BICRAL: variants seen among roughly 807,000 people sequenced by gnomAD.
The protein encoded by BICRAL is BICRA like chromatin remodeling complex associated protein.
In BICRAL, 8 loss-of-function variants were observed where a neutral mutation model predicts 91.8. That is an observed-to-expected ratio of 0.09 (90% confidence interval 0.05 to 0.16). BICRAL has a LOEUF of 0.16. Ranked by LOEUF, BICRAL falls within the 10% of genes least tolerant of loss-of-function variation. BICRAL has a pLI of 1.00. For synonymous variants in BICRAL, 445 were observed against 491.1 expected, an observed-to-expected ratio of 0.91 and a Z score of 1.24; for missense variants, 1,038 against 1,310.9, an observed-to-expected ratio of 0.79 and a Z score of 3.21.
At chr6:42,787,073 G>T (rs377661601) in intron 1 of BICRAL, among the ~76,000 whole-genome samples, 2 of 152,284 alleles carry the variant, frequency 1.3e-5, no homozygotes, top group East Asian at 3.9e-4. Context: ...GCCCAAGATC[G>T]ATAGTATCTC....
At position 42,827,666 on chromosome 6, in the gene BICRAL, G is replaced by A. The variant is rs139205491; in HGVS notation, c.160-827G>A. On this transcript the variant is annotated intron_variant, in intron 5 of 12. Transcript: ENST00000314073. ...AGGCCAAAGCAGGAGGATTACTTGC[G>A]TGCAGGAGTTCAAGACCAGCCTGGG... Among the ~76,000 whole-genome samples the A allele has an allele frequency of 7.0e-3, 1,060 of 152,270 alleles. 5 individuals carry two copies. The highest frequency in any genetic ancestry group is 0.022 in the African/African-American group (930 of 41,560).
chr6:42,859,508 T>C (rs1765487210), intron 10 of BICRAL, among the ~76,000 whole-genome samples: 1 of 152,196 alleles, frequency 6.6e-6, no homozygotes, highest in African/African-American at 2.4e-5. Flanking sequence ...GACAGTTTAA[T>C]GTAAAGCTGT....
chr6:42,828,589 G>A lies in BICRAL; in HGVS notation c.256G>A (p.Glu86Lys), dbSNP rs775862205. Reference sequence around the variant, plus strand: ...ACTTTCAAGTAGCCTCCAGTTTCTTGAAGATGAACTCGAGTCTTCTCCTCT... The same window carrying A: ...ACTTTCAAGTAGCCTCCAGTTTCTTAAAGATGAACTCGAGTCTTCTCCTCT... ...LPLSSSLQFL[E>K]DELESSPLPD... is the part of the protein sequence containing the mutation. The change falls in exon 6 of 13, where the codon GAA becomes AAA. Residue 86 changes from glutamate (E) to lysine (K), a missense_variant. Coordinates refer to ENST00000314073, the MANE Select transcript of BICRAL (RefSeq NM_001393499.1). 6 of 1,614,016 alleles carry A rather than the reference G, an allele frequency of 3.7e-6. No individual in the cohort carries two copies. Among genetic ancestry groups the A allele is most frequent in the African/African-American group, 1.3e-5 (1 of 74,912 alleles).
At chr6:42,853,064 CAAAA>C (rs35328845) in intron 7 of BICRAL, among the ~76,000 whole-genome samples, 4 of 97,690 alleles carry the variant, frequency 4.1e-5, no homozygotes, top group Non-Finnish European at 4.1e-5. Context: ...GACCTTGTCT[CAAAA>C]AAAAAAAAAA....
chr6:42,809,828 C>G (rs1361544840), intron 1 of BICRAL, among the ~76,000 whole-genome samples: 7 of 151,792 alleles, frequency 4.6e-5, no homozygotes, highest in African/African-American at 1.5e-4. Context: ...CCTCTGTCAC[C>G]CAGGCTGGAG....
At chr6:42,759,541 T>C (rs535311189) in intron 1 of BICRAL, among the ~76,000 whole-genome samples, 1 of 152,302 alleles carries the variant, frequency 6.6e-6, no homozygotes, top group African/African-American at 2.4e-5. Context: ...AGTGATTAAC[T>C]GGAAGCAAGA....
chr6:42,795,432 C>T (rs904525906), intron 1 of BICRAL, among the ~76,000 whole-genome samples: 2 of 152,118 alleles, frequency 1.3e-5, no homozygotes, highest in Non-Finnish European at 2.9e-5. Flanking sequence ...GACTCTGTCT[C>T]AAATAAATAA....
At chr6:42,784,389 A>T (rs989317836) in intron 1 of BICRAL, among the ~76,000 whole-genome samples, 2 of 152,240 alleles carry the variant, frequency 1.3e-5, no homozygotes, top group African/African-American at 4.8e-5. Context: ...GTCCACATAC[A>T]TGGAAAGTAA....
chr6:42,860,853 A>G (rs1765534403), intron 11 of BICRAL, among the ~76,000 whole-genome samples: 1 of 152,216 alleles, frequency 6.6e-6, no homozygotes, highest in Admixed American at 6.5e-5. Context: ...GAGGCCAGGC[A>G]TGGTGGCTTA....
chr6:42,792,410 TGCATG>T (rs912813650), intron 1 of BICRAL, among the ~76,000 whole-genome samples: 68 of 151,140 alleles, frequency 4.5e-4, no homozygotes, highest in African/African-American at 1.5e-3. Context: ...TGGGATTACA[TGCATG>T]TACCACCATG....
chr6:42,865,010 C>T lies in BICRAL; in HGVS notation c.2804C>T (p.Pro935Leu), dbSNP rs1765667627. 6.2e-7 allele frequency: 1 copy of T among 1,613,908 alleles called. No individual in the cohort carries two copies. Among genetic ancestry groups the T allele is most frequent in the Admixed American group, 1.7e-5 (1 of 60,000 alleles). ...REPLKASQCS[P>L]GPEGHRKTSS... Reference sequence around the variant, plus strand: ...CCTCTGAAGGCCAGTCAGTGCTCTCCCGGCCCTGAGGGGCACCGGAAAACC... The same window carrying T: ...CCTCTGAAGGCCAGTCAGTGCTCTCTCGGCCCTGAGGGGCACCGGAAAACC... Residue 935 changes from proline (P) to leucine (L), a missense_variant, in exon 13 of 13, where the codon CCC becomes CTC. By Grantham distance (98) the Pro-to-Leu change is moderately conservative (BLOSUM62 -3). Around this residue, in one of 5 missense-constraint regions of BICRAL, gnomAD observed 294 missense variants for 292.6 expected, o/e 1.00. Coordinates refer to ENST00000314073, the MANE Select transcript of BICRAL (RefSeq NM_001393499.1).
chr6:42,775,156 C>A (rs1276862610), intron 1 of BICRAL, among the ~76,000 whole-genome samples: 1 of 152,142 alleles, frequency 6.6e-6, no homozygotes, highest in Non-Finnish European at 1.5e-5. Context: ...TGGTCTTGAA[C>A]AATCCTGACC....
chr6:42,841,088 A>G (rs1179094543), intron 6 of BICRAL, among the ~76,000 whole-genome samples: 3 of 139,438 alleles, frequency 2.2e-5, no homozygotes, highest in African/African-American at 8.5e-5. Flanking sequence ...AAAAAAAAAA[A>G]AAAAAAAAAA....
At chr6:42,766,179 G>C (rs1022444621) in intron 1 of BICRAL, among the ~76,000 whole-genome samples, 1 of 152,096 alleles carries the variant, frequency 6.6e-6, no homozygotes, top group African/African-American at 2.4e-5. Context: ...CTTTAGGAGT[G>C]ACTTTGTAAA....
At chr6:42,821,339 C>T (rs1186814590) in intron 2 of BICRAL, 2 of 152,304 alleles carry the variant, frequency 1.3e-5, no homozygotes, top group Non-Finnish European at 2.9e-5. Flanking sequence ...AGAGGGATCT[C>T]GGGGCCTGGA....
intron 1 of BICRAL, among the ~76,000 whole-genome samples, chr6:42,770,707 C>G (rs1272882742): frequency 6.6e-6 from 1 of 150,480 alleles, no homozygotes; most frequent in East Asian, 2.0e-4. Context: ...TGAGCCACCC[C>G]ACCCGGTCAG....
At chr6:42,861,164 C>A (rs533663952) in intron 11 of BICRAL, among the ~76,000 whole-genome samples, 3 of 152,178 alleles carry the variant, frequency 2.0e-5, no homozygotes, top group South Asian at 4.2e-4. Flanking sequence ...AATAATGGAT[C>A]ACCTGAGGTC....
At chr6:42,764,423 G>A (rs972019881) in intron 1 of BICRAL, among the ~76,000 whole-genome samples, 3 of 151,522 alleles carry the variant, frequency 2.0e-5, no homozygotes, top group Middle Eastern at 3.4e-3. Flanking sequence ...GTGGTGGCAC[G>A]TGCCTGTAGT....
chr6:42,812,123 A>C (rs1487359768), intron 2 of BICRAL, among the ~76,000 whole-genome samples: 1 of 152,190 alleles, frequency 6.6e-6, no homozygotes, highest in Non-Finnish European at 1.5e-5. Context: ...AAAATCAATC[A>C]ATAGAAAGAG....
Sources: allele counts gnomAD v4.1 joint callset (sites outside exome capture counted in the v4.1 genomes callset), GRCh38; gene constraint gnomAD v4.1.1; regional missense constraint gnomAD v4.1.1; transcripts MANE v1.5; gene names NCBI Gene and HGNC (gene_info 2026-07-23, HGNC 2026-07-21).